SLC11A2: variants seen among roughly 807,000 people sequenced by gnomAD.
SLC11A2 encodes the protein solute carrier family 11 member 2, also known as natural resistance-associated macrophage protein 2.
A neutral mutation model predicts 68.0 loss-of-function variants in SLC11A2; 38 were observed. The observed-to-expected ratio is 0.56, with a 90% CI of 0.43 to 0.73. The LOEUF (loss-of-function observed/expected upper bound fraction) is 0.73. SLC11A2 is among the 30% of genes least tolerant of loss of function. SLC11A2 has a pLI of 0.00. For missense variants in SLC11A2, 517 were observed against 690.5 expected (o/e 0.75, Z 2.82); for synonymous variants, 242 against 250.6 (o/e 0.97, Z 0.32).
At chr12:51,005,002 T>C (rs1942599000) in intron 4 of SLC11A2, 95 bp from the exon 5 acceptor site, 1 of 1,432,164 alleles carries the variant, frequency 7.0e-7, no homozygotes, top group Non-Finnish European at 9.7e-7. Context: ...TGGTAAATAC[T>C]GCATTCAGAA....
At chr12:50,980,000 C>A (rs1208900018), downstream of SLC11A2, 1 of 451,378 alleles carries the variant, frequency 2.2e-6, no homozygotes, top group African/African-American at 2.0e-5. Context: ...CCAAGGCCAG[C>A]AGATTACTTG....
intron 5 of SLC11A2, among the ~76,000 whole-genome samples, chr12:51,000,884 G>A (rs1282091945): frequency 6.6e-6 from 1 of 151,960 alleles, no homozygotes; most frequent in Non-Finnish European, 1.5e-5. Context: ...GTTGGGGTCA[G>A]GCTGGGCGCG....
intron 1 of SLC11A2, among the ~76,000 whole-genome samples, chr12:51,020,464 G>T (rs1943965312): frequency 6.6e-6 from 1 of 152,110 alleles, no homozygotes; most frequent in Non-Finnish European, 1.5e-5. Context: ...TTAGAAAAAG[G>T]CCTCAAAACT....
At chr12:51,002,933 C>A (rs1469249814) in intron 5 of SLC11A2, among the ~76,000 whole-genome samples, 1 of 142,236 alleles carries the variant, frequency 7.0e-6, no homozygotes, top group African/African-American at 2.6e-5. Context: ...GAGTGAGACT[C>A]CATCTCAAAA....
At chr12:50,995,866 G>T in intron 9 of SLC11A2, 79 bp from the exon 10 acceptor site, 2 of 1,424,216 alleles carry the variant, frequency 1.4e-6, no homozygotes, top group Non-Finnish European at 2.0e-6. Context: ...TTTGGAGTCA[G>T]CTGAGAGATT....
downstream of SLC11A2, among the ~76,000 whole-genome samples, chr12:50,974,811 GA>G: frequency 6.6e-6 from 1 of 152,142 alleles, no homozygotes; most frequent in Non-Finnish European, 1.5e-5. Flanking sequence ...CAAGCAAATG[GA>G]AAACAAAAAG....
At chr12:50,971,514 A>C in the SLC11A2 span, among the ~76,000 whole-genome samples, 1 of 152,208 alleles carries the variant, frequency 6.6e-6, no homozygotes, top group Non-Finnish European at 1.5e-5. Context: ...CAGAAGTGCT[A>C]ATGCTAATGT....
At chr12:51,024,159 T>C (rs1393461164) in intron 1 of SLC11A2, among the ~76,000 whole-genome samples, 3 of 152,210 alleles carry the variant, frequency 2.0e-5, no homozygotes, top group African/African-American at 7.2e-5. Flanking sequence ...AATAATGCTA[T>C]GTGTATAAAT....
chr12:51,000,353 T>G lies in SLC11A2; in HGVS notation c.496A>C (p.Ile166Leu). The change falls in exon 6 of 16, where the codon ATT (isoleucine) becomes CTT (leucine). Residue 166 changes from isoleucine to leucine, a missense_variant. Transcript: ENST00000262052. ...AIIGSDMQEV[I>L]GSAIAINLLS... ...AGATTGATAGCAATGGCTGAGCCAATGACTTCTTGCATGTCTGAGCCGATG... is the reference window on the plus strand; with the variant it reads ...AGATTGATAGCAATGGCTGAGCCAAGGACTTCTTGCATGTCTGAGCCGATG... 1.2e-6 allele frequency: 2 copies of G among 1,614,106 alleles called. No individual in the cohort carries two copies. Among genetic ancestry groups the G allele is most frequent in the Non-Finnish European group, 1.7e-6 (2 of 1,179,930 alleles).
intron 5 of SLC11A2, among the ~76,000 whole-genome samples, chr12:51,002,131 T>C (rs1490067854): frequency 1.3e-5 from 2 of 152,208 alleles, no homozygotes; most frequent in South Asian, 4.1e-4. Context: ...GAGGATTACT[T>C]GAGCCCAGGA....
chr12:50,972,706 G>A, the SLC11A2 span, among the ~76,000 whole-genome samples: 9 of 152,380 alleles, frequency 5.9e-5, no homozygotes, highest in South Asian at 4.1e-4. Context: ...CGCCTCACCC[G>A]GGAACCACAA....
At chr12:50,955,587 A>C in the SLC11A2 span, among the ~76,000 whole-genome samples, 1 of 152,208 alleles carries the variant, frequency 6.6e-6, no homozygotes, top group Non-Finnish European at 1.5e-5. Context: ...GGTATGTCAG[A>C]TGTTCCCGTT....
chr12:50,995,817 T>A (rs773494885), intron 9 of SLC11A2, 30 bp from the exon 10 acceptor site: 1 of 1,610,590 alleles, frequency 6.2e-7, no homozygotes. Context: ...AGTCACTTTT[T>A]GACCAGTTAG....
At chr12:50,993,157 C>A in intron 11 of SLC11A2, 1 of 474,318 alleles carries the variant, frequency 2.1e-6, no homozygotes, top group Non-Finnish European at 3.8e-6. Context: ...AGTCCTTTCT[C>A]TTCTCCAAGC....
At chr12:51,009,468 A>AT (rs1943025307) in intron 2 of SLC11A2, 2 of 170,814 alleles carry the variant, frequency 1.2e-5, no homozygotes, top group African/African-American at 4.8e-5. Flanking sequence ...TTGAATCACA[A>AT]AGCTCTAATC....
At chr12:51,027,923 G>GT (rs1302783261), upstream of SLC11A2, among the ~76,000 whole-genome samples, 3 of 151,448 alleles carry the variant, frequency 2.0e-5, no homozygotes, top group Non-Finnish European at 4.4e-5. Flanking sequence ...AAAGTGGGGG[G>GT]GGGGGGCTTG....
rs1190332254 is a variant in SLC11A2 at position 51,025,622 on chromosome 12, A to C, written c.-39+688T>G. Reference sequence around the variant, plus strand: ...TGTCACATTTAAGCGGTAGCTTTAAAAGTGGGGACACATGAAACGCACAGC... The same window carrying C: ...TGTCACATTTAAGCGGTAGCTTTAACAGTGGGGACACATGAAACGCACAGC... On this transcript the variant is annotated intron_variant, in intron 1 of 15. Coordinates refer to ENST00000262052, the MANE Select transcript of SLC11A2 (RefSeq NM_000617.3). 2.1e-5 allele frequency: 8 copies of C among 381,028 alleles called. No homozygotes were observed. In the East Asian group the frequency reaches 1.3e-3, roughly 62 times the overall value. 23.6% of individuals were successfully genotyped at this position (381,028 alleles called of 1,614,324 possible).
the SLC11A2 span, among the ~76,000 whole-genome samples, chr12:50,966,976 G>A: frequency 6.6e-6 from 1 of 152,076 alleles, no homozygotes; most frequent in Admixed American, 6.6e-5. Context: ...AATTAGCCAG[G>A]CATGGTGGCA....
At chr12:50,998,096 A>G (rs1303832336) in intron 8 of SLC11A2, among the ~76,000 whole-genome samples, 2 of 151,974 alleles carry the variant, frequency 1.3e-5, no homozygotes, top group Admixed American at 6.6e-5. Context: ...AGTGGCTCAC[A>G]GCTGAAATCC....
Sources: gnomAD v4.1 joint callset for allele counts (sites outside exome capture counted in the v4.1 genomes callset) on GRCh38, gnomAD v4.1.1 for gene constraint, MANE v1.5 for transcripts, NCBI Gene and HGNC (gene_info 2026-07-23, HGNC 2026-07-21) for gene names.